Variants in ABLIM2 observed in about 807,000 individuals in gnomAD.
ABLIM2 encodes actin binding LIM protein family member 2.
In ABLIM2, 53 loss-of-function variants were observed where a neutral mutation model predicts 97.7. That is an observed-to-expected ratio of 0.54 (90% CI 0.44 to 0.68). ABLIM2 has a LOEUF of 0.68. ABLIM2 is among the 30% of genes least tolerant of loss of function. ABLIM2 has a pLI of 0.00. For synonymous variants in ABLIM2, 361 were observed against 345.8 expected, an observed-to-expected ratio of 1.04 and a Z score of -0.49; for missense variants, 835 against 867.2, an observed-to-expected ratio of 0.96 and a Z score of 0.47.
At chr4:7,974,383 CCA>C (rs879895544) in intron 20 of ABLIM2, among the ~76,000 whole-genome samples, 13,745 of 147,150 alleles carry the variant, frequency 0.093, 772 homozygotes, top group Non-Finnish European at 0.14. Context: ...ATCCATCCAC[CCA>C]TCCACCCATC....
chr4:8,080,075 C>T (rs537145092), intron 5 of ABLIM2, among the ~76,000 whole-genome samples: 2 of 152,334 alleles, frequency 1.3e-5, no homozygotes, highest in Non-Finnish European at 2.9e-5. Context: ...CATTCAAGGC[C>T]ATTATCTTCC....
At chr4:8,080,908 G>C in intron 4 of ABLIM2, 106 bp from the exon 5 acceptor site, 1 of 1,417,008 alleles carries the variant, frequency 7.1e-7, no homozygotes, top group South Asian at 1.4e-5. Flanking sequence ...AGCCGGGAGG[G>C]GCGGGACAGA....
intron 7 of ABLIM2, among the ~76,000 whole-genome samples, chr4:8,059,901 T>G (rs1201246696): frequency 9.1e-6 from 1 of 110,432 alleles, no homozygotes. Flanking sequence ...AGCAAGACTC[T>G]GTTTCAAAAA....
At position 8,149,587 on chromosome 4, in the gene ABLIM2, G is replaced by A. The variant is rs757300426; in HGVS notation, c.10+9093C>T. ...TCCGGCAGAGCCTTGAAAGGGAGAG[G>A]AGGAGGGACTCCAGGGGAGCGGGGG... On this transcript the variant is annotated intron_variant, in intron 1 of 20. Transcript: ENST00000447017. This position sits in a 1 kb window ranked among gnomAD's most constrained non-coding sequence, Gnocchi z 6.4. 2.0e-5 allele frequency among the ~76,000 whole-genome samples: 3 copies of A among 151,920 alleles called. No individual in the cohort carries two copies. Among genetic ancestry groups the A allele is most frequent in the East Asian group, 2.0e-4 (1 of 5,126 alleles).
At position 8,071,032 on chromosome 4, in the gene ABLIM2, G is replaced by A. The variant is rs1811647209; in HGVS notation, c.675+6596C>T. Among the ~76,000 whole-genome samples, 1 of 152,136 alleles carries A rather than the reference G, an allele frequency of 6.6e-6. No individual in the cohort carries two copies. The highest frequency in any genetic ancestry group is 6.5e-5 in the Admixed American group (1 of 15,286). The stretch of plus-strand genomic sequence containing the variant: ...GAGGGAGGGATGGGGTTCCTGGAAG[G>A]TGGGGCTCTGAACACATGGCCAGTG... On this transcript the variant is annotated intron_variant, in intron 6 of 20. Coordinates refer to ENST00000447017, the MANE Select transcript of ABLIM2 (RefSeq NM_001130083.2). This position sits in a 1 kb window ranked among gnomAD's most constrained non-coding sequence, Gnocchi z 6.2.
rs1846770363 is a variant in ABLIM2, at chr4:8,124,198, C to T, written c.11-17561G>A. Among the ~76,000 whole-genome samples, 1 of 152,202 alleles carries T rather than the reference C, an allele frequency of 6.6e-6. No homozygotes were observed. Among genetic ancestry groups the T allele is most frequent in the Non-Finnish European group, 1.5e-5 (1 of 68,034 alleles). ...GCTTTCAGAAACAATATTCTCAGCA[C>T]CTCCACAGAGCCTAGCCAGCTCTGC... On this transcript the variant is annotated intron_variant, in intron 1 of 20. Transcript: ENST00000447017. This position sits in a 1 kb window ranked among gnomAD's most constrained non-coding sequence, Gnocchi z 6.1.
intron 1 of ABLIM2, among the ~76,000 whole-genome samples, chr4:8,121,677 G>A (rs939282508): frequency 2.3e-4 from 35 of 152,334 alleles, no homozygotes; most frequent in Middle Eastern, 3.4e-3. Context: ...GAGTGGCCAC[G>A]CTGGTCCAAC....
rs1373064954 is a variant in ABLIM2, at chr4:8,082,635, GA to G, written c.455-1834del. Among the ~76,000 whole-genome samples the G allele has an allele frequency of 6.6e-6, 1 of 152,214 alleles. No individual in the cohort carries two copies. The highest frequency in any genetic ancestry group is 1.5e-5 in the Non-Finnish European group (1 of 68,044). On this transcript the variant is annotated intron_variant, in intron 4 of 20. Transcript: ENST00000447017. The surrounding 1 kb of genome is among the most constrained non-coding windows in gnomAD (Gnocchi z 5.6). Reference sequence around the variant, plus strand: ...CTGTGCACATTCACATGCTACTTTGGAAAACAGCCAGAGAGCAGATTCAAAC... The same window carrying G: ...CTGTGCACATTCACATGCTACTTTGGAAACAGCCAGAGAGCAGATTCAAAC...
In ABLIM2 at chr4:8,069,157, G is replaced by T. The variant is rs1810050387; in HGVS notation, c.676-8103C>A. Among the ~76,000 whole-genome samples, 1 of 152,238 alleles carries T rather than the reference G, an allele frequency of 6.6e-6. No homozygotes were observed. The highest frequency in any genetic ancestry group is 1.5e-5 in the Non-Finnish European group (1 of 68,048). Reference sequence around the variant, plus strand: ...TCCTCTCTACCCAGCTCCCGTTAAGGCGTGAGCCTCAGGAGCGCTTGGCCC... The same window carrying T: ...TCCTCTCTACCCAGCTCCCGTTAAGTCGTGAGCCTCAGGAGCGCTTGGCCC... On this transcript the variant is annotated intron_variant, in intron 6 of 20. Coordinates refer to ENST00000447017, the MANE Select transcript of ABLIM2 (RefSeq NM_001130083.2). The surrounding 1 kb of genome is among the most constrained non-coding windows in gnomAD (Gnocchi z 4.2).
intron 12 of ABLIM2, among the ~76,000 whole-genome samples, chr4:8,025,532 G>A (rs1776760148): frequency 6.6e-6 from 1 of 152,200 alleles, no homozygotes; most frequent in South Asian, 2.1e-4. Flanking sequence ...CTCTCTCCTT[G>A]GCTGTCTCGG....
intron 18 of ABLIM2, 48 bp from the exon 19 acceptor site, chr4:7,983,602 A>G: frequency 6.2e-7 from 1 of 1,607,528 alleles, no homozygotes; most frequent in East Asian, 2.2e-5. Context: ...AGAAAGTGCA[A>G]GATGTCGTCC....
At chr4:8,040,891 T>C (rs935409050) in intron 9 of ABLIM2, among the ~76,000 whole-genome samples, 2 of 152,144 alleles carry the variant, frequency 1.3e-5, no homozygotes, top group Admixed American at 1.3e-4. Flanking sequence ...CTCCATTACT[T>C]AGAGGCTGCA....
At chr4:8,106,760 G>A in intron 1 of ABLIM2, 123 bp from the exon 2 acceptor site, 1 of 1,196,674 alleles carries the variant, frequency 8.4e-7, no homozygotes, top group South Asian at 1.6e-5. Flanking sequence ...ACCAGCACGA[G>A]CCGCACGGGG....
At chr4:8,116,538 T>C (rs1842878356) in intron 1 of ABLIM2, among the ~76,000 whole-genome samples, 1 of 152,226 alleles carries the variant, frequency 6.6e-6, no homozygotes, top group South Asian at 2.1e-4. Flanking sequence ...TTGCACACCA[T>C]GATTGTCTGC....
At position 8,068,553 on chromosome 4, in the gene ABLIM2, G is replaced by A. The variant is rs951633384; in HGVS notation, c.676-7499C>T. The stretch of plus-strand genomic sequence containing the variant: ...GTGGTCCCCCGTCTTTGGGCTTCTG[G>A]AGAATGGATCAGCCCTCTCTGCCAT... On this transcript the variant is annotated intron_variant, in intron 6 of 20. Transcript: ENST00000447017. This position sits in a 1 kb window ranked among gnomAD's most constrained non-coding sequence, Gnocchi z 4.5. Among the ~76,000 whole-genome samples the A allele has an allele frequency of 4.6e-5, 7 of 152,236 alleles. No homozygotes were observed. Among genetic ancestry groups the A allele is most frequent in the African/African-American group, 1.7e-4 (7 of 41,464 alleles).
intron 2 of ABLIM2, among the ~76,000 whole-genome samples, chr4:8,103,682 T>C (rs569983887): frequency 1.3e-5 from 2 of 152,336 alleles, no homozygotes; most frequent in African/African-American, 4.8e-5. Context: ...CGCCTGTCGC[T>C]GGCGAGGAAG....
intron 20 of ABLIM2, among the ~76,000 whole-genome samples, chr4:7,978,926 G>C (rs190954828): frequency 1.7e-4 from 26 of 152,284 alleles, no homozygotes; most frequent in Non-Finnish European, 3.1e-4. Flanking sequence ...AGGATGAGAC[G>C]GCAGGGGCGC....
intron 20 of ABLIM2, among the ~76,000 whole-genome samples, chr4:7,980,558 TA>T (rs929372039): frequency 2.4e-4 from 36 of 151,770 alleles, no homozygotes; most frequent in African/African-American, 8.5e-4. Context: ...CTACTAAAAA[TA>T]AAAAAATTAG....
At position 8,125,527 on chromosome 4, in the gene ABLIM2, T is replaced by A. The variant is rs1847473948; in HGVS notation, c.11-18890A>T. On this transcript the variant is annotated intron_variant, in intron 1 of 20. Transcript: ENST00000447017. This position sits in a 1 kb window ranked among gnomAD's most constrained non-coding sequence, Gnocchi z 6.2. ...TCTGGGATGGCTCTGCCATCAGCGT[T>A]GACGGTCTGGTCCATCTACCACAGT... Among the ~76,000 whole-genome samples the A allele has an allele frequency of 6.6e-6, 1 of 152,034 alleles. No homozygotes were observed. The highest frequency in any genetic ancestry group is 1.5e-5 in the Non-Finnish European group (1 of 67,998).
Sources: allele counts gnomAD v4.1 joint callset (sites outside exome capture counted in the v4.1 genomes callset), GRCh38; gene constraint gnomAD v4.1.1; non-coding constraint Gnocchi (gnomAD v3.1); transcripts MANE v1.5; gene names NCBI Gene and HGNC (gene_info 2026-07-23, HGNC 2026-07-21).